LYPD1: variants seen among roughly 807,000 people sequenced by gnomAD.
The protein encoded by LYPD1 is LY6/PLAUR domain containing 1.
In LYPD1, 14 loss-of-function variants were observed where a neutral mutation model predicts 14.2. That is an observed-to-expected ratio of 0.99 (90% CI 0.65 to 1.54). The LOEUF is 1.54. Among genes scored for constraint, LYPD1 ranks in the 40% most tolerant of loss-of-function variants. The pLI, the probability that LYPD1 is intolerant of heterozygous loss-of-function variation, is 0.00. For missense variants in LYPD1, 165 were observed against 175.7 expected (o/e 0.94, Z 0.34); for synonymous variants, 85 against 70.6 (o/e 1.20, Z -1.02).
intron 2 of LYPD1, among the ~76,000 whole-genome samples, chr2:132,652,069 G>T (rs1006352575): frequency 1.3e-5 from 2 of 152,328 alleles, no homozygotes; most frequent in African/African-American, 4.8e-5. Context: ...ACCACTGCCG[G>T]GTTAGGGTAG....
chr2:132,651,487 C>A (rs1318490577), intron 2 of LYPD1, among the ~76,000 whole-genome samples: 2 of 152,154 alleles, frequency 1.3e-5, no homozygotes, highest in Non-Finnish European at 2.9e-5. Flanking sequence ...TTGTCATGGA[C>A]TGCTGGTGGG....
chr2:132,662,911 G>A (rs900956772), intron 2 of LYPD1: 4 of 152,198 alleles, frequency 2.6e-5, no homozygotes, highest in Non-Finnish European at 4.4e-5. Flanking sequence ...GGTCAGCACC[G>A]GCTGCTTGTT....
intron 2 of LYPD1, among the ~76,000 whole-genome samples, chr2:132,663,337 A>C (rs1264498899): frequency 6.6e-6 from 1 of 152,132 alleles, no homozygotes; most frequent in Admixed American, 6.5e-5. Context: ...GCAGTGGAGT[A>C]ATCTCAGCTC....
At chr2:132,649,936 C>T (rs927622643) in intron 2 of LYPD1, among the ~76,000 whole-genome samples, 2 of 152,082 alleles carry the variant, frequency 1.3e-5, no homozygotes, top group African/African-American at 4.8e-5. Flanking sequence ...ACCCAGAAGC[C>T]ATTACAGAAA....
chr2:132,653,719 A>T (rs1682439376), intron 2 of LYPD1, among the ~76,000 whole-genome samples: 1 of 152,238 alleles, frequency 6.6e-6, no homozygotes, highest in South Asian at 2.1e-4. Flanking sequence ...AGCAGATACT[A>T]TCTGAATCAA....
Position 132,645,861 on chromosome 2 carries a change from G to A in LYPD1, c.*184C>T, listed in dbSNP as rs2104888439. Reference sequence around the variant, plus strand: ...AAGTACATACTGAAAATTCAGTCAGGCTGAATTTATTCAGAATGCTTTACC... The same window carrying A: ...AAGTACATACTGAAAATTCAGTCAGACTGAATTTATTCAGAATGCTTTACC... On this transcript the variant is annotated 3_prime_UTR_variant, in exon 3 of 3. Coordinates refer to ENST00000397463, the MANE Select transcript of LYPD1 (RefSeq NM_144586.7). 1 of 654,508 alleles carries A rather than the reference G, an allele frequency of 1.5e-6. No individual in the cohort carries two copies. The highest frequency in any genetic ancestry group is 2.5e-6 in the Non-Finnish European group (1 of 392,648). The allele number at this position is 654,508 out of a possible 1,614,324, so 40.5% of individuals were successfully genotyped here.
rs1459206174 is a variant in LYPD1, at chr2:132,669,976, G to A, written c.-44C>T. ...CCGGGAGAGGGCAAGCGCATCAGAG[G>A]AGGCGACAGCAGCGGAGGCTGCCCC... On this transcript the variant is annotated 5_prime_UTR_variant, in exon 1 of 3. Coordinates refer to ENST00000397463, the MANE Select transcript of LYPD1 (RefSeq NM_144586.7). The surrounding 1 kb of genome is among the most constrained non-coding windows in gnomAD (Gnocchi z 4.3). 1 of 1,605,432 alleles carries A rather than the reference G, an allele frequency of 6.2e-7. No individual in the cohort carries two copies. The highest frequency in any genetic ancestry group is 8.5e-7 in the Non-Finnish European group (1 of 1,177,938).
chr2:132,644,997 C>A lies in LYPD1; in HGVS notation c.*1048G>T. The A allele has an allele frequency of 7.5e-7, 1 of 1,329,358 alleles. No homozygotes were observed. Among genetic ancestry groups the A allele is most frequent in the Non-Finnish European group, 1.0e-6 (1 of 977,296 alleles). The allele number at this position is 1,329,358 out of a possible 1,614,324, so 82.3% of individuals were successfully genotyped here. A position where few individuals can be genotyped will look rare whatever the true frequency, so the allele number is the denominator to read the frequency against. On this transcript the variant is annotated 3_prime_UTR_variant, in exon 3 of 3. Coordinates refer to ENST00000397463, the MANE Select transcript of LYPD1 (RefSeq NM_144586.7). ...TTGGTACCATTTCCTGGCCAGTAAG[C>A]ACAGAACAGAGGGGCTAAATATTTT...
At chr2:132,664,616 A>C (rs73955782) in intron 2 of LYPD1, among the ~76,000 whole-genome samples, 4,232 of 152,324 alleles carry the variant, frequency 0.028, 173 homozygotes, top group African/African-American at 0.09. Context: ...AATATACTGC[A>C]TTTAACTTTT....
In LYPD1 at chr2:132,669,829, T is replaced by C; in HGVS notation, c.52+52A>G. The stretch of plus-strand genomic sequence containing the variant: ...CCTTGGGGGCAAAAGGGCTGGCGGG[T>C]AGATGGATTGTGCGCACCTGGCCTC... On this transcript the variant is annotated intron_variant, in intron 1 of 2. Transcript: ENST00000397463. This position sits in a 1 kb window ranked among gnomAD's most constrained non-coding sequence, Gnocchi z 4.3. The C allele has an allele frequency of 6.3e-7, 1 of 1,588,856 alleles. No individual in the cohort carries two copies. The highest frequency in any genetic ancestry group is 8.6e-7 in the Non-Finnish European group (1 of 1,167,264).
Position 132,646,266 on chromosome 2 carries a change from T to TG in LYPD1, c.204dup (p.Lys69GlnfsTer39), listed in dbSNP as rs1162364502. 1.3e-6 allele frequency: 2 copies of TG among 1,554,000 alleles called. No homozygotes were observed. Among genetic ancestry groups the TG allele is most frequent in the East Asian group, 2.3e-5 (1 of 43,604 alleles). On this transcript the variant is annotated frameshift_variant, in exon 3 of 3. Transcript: ENST00000397463. LOFTEE classifies it high-confidence loss of function. ...CAGGCCGCTGATGATGCACAGGACT[T>TG]GCGGTACATGATCCCTGTAACACAG...
Position 132,645,347 on chromosome 2 carries a change from C to T in LYPD1, c.*698G>A. The T allele has an allele frequency of 6.2e-7, 1 of 1,614,146 alleles. No individual in the cohort carries two copies. The highest frequency in any genetic ancestry group is 1.6e-4 in the Middle Eastern group (1 of 6,062). ...TGCTGCCGCCTGTCGCTGCAGCACGCCAACCACGAGAAGCGCCTGCGCGTA... is the reference window on the plus strand; with the variant it reads ...TGCTGCCGCCTGTCGCTGCAGCACGTCAACCACGAGAAGCGCCTGCGCGTA... On this transcript the variant is annotated 3_prime_UTR_variant, in exon 3 of 3. Coordinates refer to ENST00000397463, the MANE Select transcript of LYPD1 (RefSeq NM_144586.7).
chr2:132,653,460 A>G (rs1682432506), intron 2 of LYPD1, among the ~76,000 whole-genome samples: 1 of 152,238 alleles, frequency 6.6e-6, no homozygotes, highest in South Asian at 2.1e-4. Context: ...GTAAATAAGT[A>G]TGTGCAGAAG....
intron 2 of LYPD1, among the ~76,000 whole-genome samples, chr2:132,652,291 G>A (rs1682389695): frequency 6.6e-6 from 1 of 152,082 alleles, no homozygotes; most frequent in South Asian, 2.1e-4. Context: ...ATTTACCAAA[G>A]GAATGAATGA....
At chr2:132,646,569 T>C in intron 2 of LYPD1, 1 of 303,508 alleles carries the variant, frequency 3.3e-6, no homozygotes, top group Non-Finnish European at 6.0e-6. Flanking sequence ...ATTTACATTT[T>C]AAGTCAGAGT....
chr2:132,660,163 T>C (rs1023139595), intron 2 of LYPD1, among the ~76,000 whole-genome samples: 6 of 152,346 alleles, frequency 3.9e-5, no homozygotes, highest in African/African-American at 1.4e-4. Flanking sequence ...ATTGTCCATG[T>C]CCAGTGAGAA....
chr2:132,648,648 A>G (rs968011502), intron 2 of LYPD1, among the ~76,000 whole-genome samples: 2 of 152,236 alleles, frequency 1.3e-5, no homozygotes, highest in Non-Finnish European at 2.9e-5. Context: ...CAGAGCCATA[A>G]TCTTTACAAC....
At position 132,645,588 on chromosome 2, in the gene LYPD1, T is replaced by C. The variant is rs1682022923; in HGVS notation, c.*457A>G. ...CCAATTCTGCTGCAGAGAATGGTTT[T>C]CAGGAGCATGAAGTTTGAATGTCAA... On this transcript the variant is annotated 3_prime_UTR_variant, in exon 3 of 3. Transcript: ENST00000397463. The C allele has an allele frequency of 6.2e-7, 1 of 1,612,114 alleles. No homozygotes were observed. Among genetic ancestry groups the C allele is most frequent in the African/African-American group, 1.3e-5 (1 of 74,768 alleles).
At chr2:132,661,836 G>A (rs1023470573) in intron 2 of LYPD1, among the ~76,000 whole-genome samples, 4 of 147,506 alleles carry the variant, frequency 2.7e-5, no homozygotes, top group Admixed American at 6.9e-5. Flanking sequence ...ATGAATAAAC[G>A]AAAAACCACA....
Sources: allele counts gnomAD v4.1 joint callset (sites outside exome capture counted in the v4.1 genomes callset), GRCh38; gene constraint gnomAD v4.1.1; non-coding constraint Gnocchi (gnomAD v3.1); transcripts MANE v1.5; gene names NCBI Gene and HGNC (gene_info 2026-07-23, HGNC 2026-07-21).